The following MTCL1 variants were observed in gnomAD, a reference collection of about 807,000 sequenced individuals.
The protein encoded by MTCL1 is microtubule cross-linking factor 1.
In MTCL1, 79 loss-of-function variants were observed where a neutral mutation model predicts 141.4. The ratio of observed to expected loss-of-function variants is 0.56; its 90% CI spans 0.47 to 0.67. The LOEUF (loss-of-function observed/expected upper bound fraction) is 0.67, where lower values mean the gene tolerates loss of function less well. Among genes scored for constraint, MTCL1 ranks in the 30% least tolerant of loss-of-function variants. MTCL1 has a pLI of 0.00. For synonymous variants in MTCL1, 914 were observed against 875.8 expected (o/e 1.04, Z -0.77); for missense variants, 2,177 against 2,113.9 (o/e 1.03, Z -0.59).
At chr18:8,756,419 A>ATATGTTTG (rs2096399739) in intron 4 of MTCL1, among the ~76,000 whole-genome samples, 1 of 145,822 alleles carries the variant, frequency 6.9e-6, no homozygotes, top group African/African-American at 2.7e-5. Flanking sequence ...GTATATGTGT[A>ATATGTTTG]TATATGTGTA....
chr18:8,726,301 T>G (rs1346028416), intron 4 of MTCL1, among the ~76,000 whole-genome samples: 1 of 147,164 alleles, frequency 6.8e-6, no homozygotes, highest in African/African-American at 2.5e-5. Flanking sequence ...TTTTTTTTTT[T>G]TTTTTGTCTT....
At position 8,831,846 on chromosome 18, in the gene MTCL1, A is replaced by C. The variant is rs142583120; in HGVS notation, c.*258A>C. The C allele has an allele frequency of 1.9e-3, 2,945 of 1,545,208 alleles. 51 individuals are homozygous for C. In the African/African-American group the frequency reaches 0.036, roughly 19 times the overall value. On this transcript the variant is annotated 3_prime_UTR_variant, in exon 17 of 17. Transcript: ENST00000359865. ...CACAGTATAATTCACTGTAATTTGC[A>C]TAACCACACCATCACCATGAACAAA...
At chr18:8,756,513 A>G (rs151018310) in intron 4 of MTCL1, among the ~76,000 whole-genome samples, 3,230 of 144,956 alleles carry the variant, frequency 0.022, 132 homozygotes, top group African/African-American at 0.079. Context: ...GTGTATATAT[A>G]TGTGTGTATA....
rs2096162496 is a variant in MTCL1, at chr18:8,720,464, GC to G, written c.328del (p.Leu110SerfsTer8). Reference sequence around the variant, plus strand: ...GATTGAAGTGGAAATATCCAAACAGGCCCTCCAGAATGAGCTGGAGAGACTG... The same window carrying G: ...GATTGAAGTGGAAATATCCAAACAGGCCTCCAGAATGAGCTGGAGAGACTG... On this transcript the variant is annotated frameshift_variant, in exon 4 of 17. Coordinates refer to ENST00000359865, the Ensembl canonical transcript of MTCL1. LOFTEE classifies it high-confidence loss of function. The G allele has an allele frequency of 1.2e-6, 2 of 1,614,010 alleles. No individual in the cohort carries two copies. The highest frequency in any genetic ancestry group is 1.7e-6 in the Non-Finnish European group (2 of 1,179,928).
At chr18:8,817,553 C>A (rs1473611361) in intron 12 of MTCL1, among the ~76,000 whole-genome samples, 2 of 152,094 alleles carry the variant, frequency 1.3e-5, no homozygotes, top group Non-Finnish European at 2.9e-5. Context: ...ATATGGCTTT[C>A]TTCCTGACTA....
exon 17 of MTCL1, chr18:8,831,797 G>A (rs565517724): frequency 2.0e-5 from 31 of 1,550,124 alleles, no homozygotes; most frequent in African/African-American, 1.6e-4. Context: ...CAGCCACACC[G>A]AGATGCAAGC....
chr18:8,831,395 G>T lies in MTCL1; in HGVS notation c.*19-212G>T, dbSNP rs2077187073. On this transcript the variant is annotated intron_variant, in intron 16 of 16. Transcript: ENST00000359865. ...GTATTGCTGTGTTTAATCATAATTG[G>T]TCTCTTCCCATTCATGTCACTGATC... is the stretch of plus-strand genomic sequence containing the variant. 2.9e-6 allele frequency: 4 copies of T among 1,396,860 alleles called. No individual in the cohort carries two copies. The Admixed American group carries it at 9.0e-5, about 31-fold the overall frequency. The allele number at this position is 1,396,860 out of a possible 1,614,324, so 86.5% of individuals were successfully genotyped here. A position where few individuals can be genotyped will look rare whatever the true frequency, so the allele number is the denominator to read the frequency against.
chr18:8,740,397 G>A (rs2096296290), intron 4 of MTCL1, among the ~76,000 whole-genome samples: 1 of 152,208 alleles, frequency 6.6e-6, no homozygotes, highest in Non-Finnish European at 1.5e-5. Flanking sequence ...AGCCCTGTGA[G>A]GCAGGTGGAT....
At chr18:8,826,629 T>G (rs1327557476) in intron 15 of MTCL1, among the ~76,000 whole-genome samples, 1 of 152,138 alleles carries the variant, frequency 6.6e-6, no homozygotes, top group Admixed American at 6.5e-5. Flanking sequence ...CCTTCATATG[T>G]GACAGCATGA....
chr18:8,825,748 G>A (rs1488651592), exon 15 of MTCL1: 3 of 1,614,030 alleles, frequency 1.9e-6, no homozygotes, highest in Non-Finnish European at 2.5e-6. Flanking sequence ...ACGTCACCAG[G>A]GATGGCCCAG....
intron 4 of MTCL1, among the ~76,000 whole-genome samples, chr18:8,754,986 A>G (rs2096389647): frequency 1.3e-5 from 2 of 152,176 alleles, no homozygotes; most frequent in Admixed American, 6.5e-5. Context: ...TTGGTCCTGC[A>G]GGGGTTATCT....
At position 8,826,236 on chromosome 18, in the gene MTCL1, A is replaced by G. The variant is rs887955986; in HGVS notation, c.4722+4A>G. On this transcript the variant is annotated splice_donor_region_variant and intron_variant, in intron 15 of 16. Transcript: ENST00000359865. ...AGCCGAGCCAGGGCCCATGGAGGTA[A>G]TGAATGCTGAGTGCCCCACACCCTT... 1.5e-5 allele frequency: 23 copies of G among 1,581,124 alleles called. No homozygotes were observed. The highest frequency in any genetic ancestry group is 1.7e-5 in the Non-Finnish European group (20 of 1,163,060).
At chr18:8,795,366 G>A (rs2075881152) in intron 8 of MTCL1, among the ~76,000 whole-genome samples, 1 of 152,138 alleles carries the variant, frequency 6.6e-6, no homozygotes, top group South Asian at 2.1e-4. Context: ...ACCTTTTATT[G>A]GCCTATGGAA....
chr18:8,771,044 C>T (rs1202179414), intron 4 of MTCL1, among the ~76,000 whole-genome samples: 1 of 152,090 alleles, frequency 6.6e-6, no homozygotes, highest in Non-Finnish European at 1.5e-5. Context: ...AGGCATCTTC[C>T]AGCCAGGACA....
chr18:8,764,128 C>CAAA (rs1414036272), intron 4 of MTCL1, among the ~76,000 whole-genome samples: 1 of 151,540 alleles, frequency 6.6e-6, no homozygotes, highest in Non-Finnish European at 1.5e-5. Context: ...AGAAGAAAGC[C>CAAA]AAAATGATTA....
intron 5 of MTCL1, among the ~76,000 whole-genome samples, chr18:8,778,487 C>T (rs544124770): frequency 3.3e-5 from 5 of 152,198 alleles, no homozygotes; most frequent in Non-Finnish European, 7.3e-5. Context: ...GATATCAGCT[C>T]ACTGCACTCT....
rs114888699 is a variant in MTCL1, at chr18:8,784,741, G to A, written c.1629G>A (p.Leu543=). 410 of 1,614,130 alleles carry A rather than the reference G, an allele frequency of 2.5e-4. 1 individual carries two copies. In the Middle Eastern group the frequency reaches 4.3e-3, roughly 17 times the overall value. Reference sequence around the variant, plus strand: ...GCATTGGGGATGGCCTATCCCCCTTGCCCCACCTCACAGAGTCCTCTAGCT... The same window carrying A: ...GCATTGGGGATGGCCTATCCCCCTTACCCCACCTCACAGAGTCCTCTAGCT... Residue 543 remains leucine, a synonymous_variant, in exon 6 of 17, where the codon TTG becomes TTA. Coordinates refer to ENST00000359865, the Ensembl canonical transcript of MTCL1.
chr18:8,726,537 A>AGGGAGGGAGGGAGGGAGGGAG, intron 4 of MTCL1, among the ~76,000 whole-genome samples: 1 of 94,444 alleles, frequency 1.1e-5, no homozygotes, highest in African/African-American at 5.1e-5. Flanking sequence ...GCGAGTGCGC[A>AGGGAGGGAGGGAGGGAGGGAG]TGCGCGCGCG....
exon 13 of MTCL1, chr18:8,819,033 C>T: frequency 1.9e-6 from 3 of 1,614,260 alleles, no homozygotes; most frequent in Non-Finnish European, 2.5e-6. Flanking sequence ...AACGTTCGCC[C>T]CTTTCCCCAC....
Sources: gnomAD v4.1 joint callset for allele counts (sites outside exome capture counted in the v4.1 genomes callset) on GRCh38, gnomAD v4.1.1 for gene constraint, MANE v1.5 for transcripts, NCBI Gene and HGNC (gene_info 2026-07-23, HGNC 2026-07-21) for gene names.